Variants in SCOC observed in about 807,000 individuals in gnomAD.
SCOC encodes the protein short coiled-coil protein.
A neutral mutation model predicts 9.9 loss-of-function variants in SCOC; 7 were observed. The observed-to-expected ratio is 0.71, with a 90% confidence interval of 0.40 to 1.33. The LOEUF (loss-of-function observed/expected upper bound fraction) is 1.33, where lower values mean the gene tolerates loss of function less well. SCOC is among the 40% of genes most tolerant of loss of function. The pLI is 0.01. For synonymous variants in SCOC, 19 were observed against 28.2 expected, an observed-to-expected ratio of 0.67 and a Z score of 1.03; for missense variants, 66 against 89.7, an observed-to-expected ratio of 0.74 and a Z score of 1.07.
intron 1 of SCOC, among the ~76,000 whole-genome samples, chr4:140,291,767 TGG>T (rs558967192): frequency 6.6e-6 from 1 of 152,062 alleles, no homozygotes; most frequent in Non-Finnish European, 1.5e-5. Flanking sequence ...TCAGCTCTAT[TGG>T]GGGGGCTGTG....
chr4:140,350,635 T>C (rs1214903179), intron 2 of SCOC, among the ~76,000 whole-genome samples: 1 of 152,192 alleles, frequency 6.6e-6, no homozygotes, highest in African/African-American at 2.4e-5. Context: ...CAGGGGAGTG[T>C]GGCAGGAAGG....
intron 2 of SCOC, among the ~76,000 whole-genome samples, chr4:140,363,072 C>T (rs964172820): frequency 1.3e-5 from 2 of 152,172 alleles, no homozygotes; most frequent in Non-Finnish European, 2.9e-5. Context: ...AAAGATTCCC[C>T]AAACTCAATG....
chr4:140,271,547 G>A (rs184953531), intron 1 of SCOC, among the ~76,000 whole-genome samples: 1 of 152,306 alleles, frequency 6.6e-6, no homozygotes, highest in Admixed American at 6.5e-5. Context: ...TAATCTAGGT[G>A]CCTGAGCTGG....
intron 1 of SCOC, chr4:140,374,356 T>C (rs1728234164): frequency 8.6e-6 from 3 of 347,592 alleles, no homozygotes; most frequent in Non-Finnish European, 1.7e-5. Context: ...CTCACACTAT[T>C]ACGCAACAAT....
chr4:140,332,435 A>G (rs1732846134), intron 1 of SCOC, among the ~76,000 whole-genome samples: 1 of 130,522 alleles, frequency 7.7e-6, no homozygotes, highest in African/African-American at 2.8e-5. Flanking sequence ...GCAGAGTGCA[A>G]TGGCATGATC....
Position 140,335,883 on chromosome 4 carries a change from T to C in SCOC, c.-18-7738T>C, listed in dbSNP as rs527338245. ...CGATTAGCATGCACACACACAAACA[T>C]ACACACACATTTATATCTCACTGCC... On this transcript the variant is annotated intron_variant, in intron 1 of 4. Transcript: ENST00000394205. Among the ~76,000 whole-genome samples the C allele has an allele frequency of 5.8e-4, 88 of 152,264 alleles. 3 individuals carry two copies. In the South Asian group the frequency reaches 0.017, roughly 29 times the overall value.
chr4:140,367,613 C>T (rs1387751368), intron 2 of SCOC, among the ~76,000 whole-genome samples: 2 of 152,028 alleles, frequency 1.3e-5, no homozygotes, highest in African/African-American at 2.4e-5. Flanking sequence ...CTCCTGACCT[C>T]ATGATCCACC....
At chr4:140,357,469 C>T (rs890608360) in intron 2 of SCOC, among the ~76,000 whole-genome samples, 8 of 152,202 alleles carry the variant, frequency 5.3e-5, no homozygotes, top group African/African-American at 1.9e-4. Flanking sequence ...CCATTACATA[C>T]CCAGCTGTCA....
intron 1 of SCOC, among the ~76,000 whole-genome samples, chr4:140,267,824 T>G (rs1033712548): frequency 6.6e-6 from 1 of 152,146 alleles, no homozygotes; most frequent in Non-Finnish European, 1.5e-5. Context: ...CCATCCCTTG[T>G]GTAATTGATC....
At chr4:140,338,279 G>A (rs1733016991) in intron 1 of SCOC, among the ~76,000 whole-genome samples, 1 of 152,012 alleles carries the variant, frequency 6.6e-6, no homozygotes, top group Non-Finnish European at 1.5e-5. Context: ...CAATAAATTA[G>A]GTATTGATGG....
At chr4:140,307,204 G>A (rs1388654438) in intron 1 of SCOC, among the ~76,000 whole-genome samples, 1 of 152,166 alleles carries the variant, frequency 6.6e-6, no homozygotes, top group East Asian at 1.9e-4. Flanking sequence ...ATACATTTCT[G>A]TTGCCTATAA....
intron 1 of SCOC, among the ~76,000 whole-genome samples, chr4:140,295,432 C>T (rs990513919): frequency 6.6e-6 from 1 of 152,184 alleles, no homozygotes; most frequent in East Asian, 1.9e-4. Context: ...CACACAGGGG[C>T]GTGCTTTCTA....
At chr4:140,326,350 T>C (rs1018843160) in intron 1 of SCOC, among the ~76,000 whole-genome samples, 1 of 150,656 alleles carries the variant, frequency 6.6e-6, no homozygotes, top group African/African-American at 2.4e-5. Flanking sequence ...GAAAAAAAAA[T>C]CAACGAGGAT....
chr4:140,352,308 G>A (rs1466502501), intron 2 of SCOC, among the ~76,000 whole-genome samples: 2 of 152,172 alleles, frequency 1.3e-5, no homozygotes, highest in Non-Finnish European at 2.9e-5. Flanking sequence ...AAAAGTTTCA[G>A]CAAATCTTAA....
Position 140,366,518 on chromosome 4 carries a change from C to T in SCOC, c.71-12603C>T, listed in dbSNP as rs2126569104. ...TTCTTGATTATTCTGTTCCTCATTG[C>T]CTTCATAACTTTAAAATGATCAAAA... On this transcript the variant is annotated intron_variant, in intron 2 of 4. Coordinates refer to the SCOC transcript ENST00000338517. The T allele has an allele frequency of 5.1e-6, 8 of 1,563,098 alleles. No homozygotes were observed. The East Asian group carries it at 1.8e-4, about 35-fold the overall frequency.
intron 1 of SCOC, among the ~76,000 whole-genome samples, chr4:140,329,922 C>T (rs1445106302): frequency 6.6e-6 from 1 of 152,172 alleles, no homozygotes; most frequent in Admixed American, 6.6e-5. Flanking sequence ...AAAAGTAGAT[C>T]TACCATTTGA....
intron 1 of SCOC, chr4:140,314,248 T>C (rs185242326): frequency 9.9e-6 from 2 of 201,874 alleles, no homozygotes; most frequent in Non-Finnish European, 2.1e-5. Context: ...GAAAACATAA[T>C]ACTAGAAGAA....
Position 140,287,710 on chromosome 4 carries a change from C to T in SCOC, c.-19+30300C>T, listed in dbSNP as rs113166563. ...TACACACACCAAACACATGGACACACGTGCATATCACACACAGGCCACACC... is the reference window on the plus strand; with the variant it reads ...TACACACACCAAACACATGGACACATGTGCATATCACACACAGGCCACACC... On this transcript the variant is annotated intron_variant, in intron 1 of 4. Transcript: ENST00000394205. Among the ~76,000 whole-genome samples the T allele has an allele frequency of 9.8e-3, 1,498 of 152,194 alleles. 19 individuals carry two copies. The highest frequency in any genetic ancestry group is 0.033 in the African/African-American group (1,360 of 41,488).
intron 1 of SCOC, among the ~76,000 whole-genome samples, chr4:140,260,060 T>C (rs1730597654): frequency 6.6e-6 from 1 of 152,214 alleles, no homozygotes; most frequent in Non-Finnish European, 1.5e-5. Context: ...GAGACATTAT[T>C]TTTATATAAT....
Sources: allele counts gnomAD v4.1 joint callset (sites outside exome capture counted in the v4.1 genomes callset), GRCh38; gene constraint gnomAD v4.1.1; transcripts MANE v1.5; gene names NCBI Gene and HGNC (gene_info 2026-07-23, HGNC 2026-07-21).